Variants in DNAJC24 observed in about 807,000 individuals in gnomAD.
DNAJC24 encodes the protein DnaJ heat shock protein family (Hsp40) member C24, also known as dnaJ homolog subfamily C member 24.
In DNAJC24, 17 loss-of-function variants were observed where a neutral mutation model predicts 18.0. That is an observed-to-expected ratio of 0.94 (90% CI 0.65 to 1.42). The LOEUF (loss-of-function observed/expected upper bound fraction) is 1.42, where lower values mean the gene tolerates loss of function less well. Ranked by LOEUF, DNAJC24 falls within the 40% of genes most tolerant of loss-of-function variation. The pLI is 0.00. For synonymous variants in DNAJC24, 55 were observed against 57.7 expected (o/e 0.95, Z 0.21); for missense variants, 158 against 175.6 (o/e 0.90, Z 0.57).
chr11:31,421,541 T>G (rs1952804183), intron 3 of DNAJC24, among the ~76,000 whole-genome samples: 1 of 152,216 alleles, frequency 6.6e-6, no homozygotes, highest in Non-Finnish European at 1.5e-5. Flanking sequence ...CAGATGGGGT[T>G]GAATGAGACT....
rs2133497891 is a variant in DNAJC24 at position 31,414,880 on chromosome 11, G to A, written c.181G>A (p.Glu61Lys). ...GGAGGAATGTGTACAGAAGTTCATC[G>A]AAATTGATCAAGCATGGAAAATTCT... ...TVEECVQKFI[E>K]IDQAWKILGN... is the part of the protein sequence containing the mutation. The change falls in exon 3 of 5, where the codon GAA becomes AAA. Residue 61 changes from glutamate (E) to lysine (K), a missense_variant. By Grantham distance (56) the Glu-to-Lys change is moderately conservative. Transcript: ENST00000465995. The A allele has an allele frequency of 4.3e-6, 7 of 1,613,994 alleles. No individual in the cohort carries two copies. The highest frequency in any genetic ancestry group is 1.6e-4 in the Middle Eastern group (1 of 6,062).
intron 3 of DNAJC24, among the ~76,000 whole-genome samples, chr11:31,423,463 A>C (rs1591922433): frequency 6.6e-6 from 1 of 151,900 alleles, no homozygotes. Context: ...GTTTCACCAT[A>C]TTGGTCAGGC....
Position 31,414,863 on chromosome 11 carries a change from G to A in DNAJC24, c.164G>A (p.Cys55Tyr), listed in dbSNP as rs770022608. 5.0e-6 allele frequency: 8 copies of A among 1,613,926 alleles called. No homozygotes were observed. Among genetic ancestry groups the A allele is most frequent in the Admixed American group, 1.7e-5 (1 of 59,996 alleles). ...GTACCAGCAGGAACAGTGGAGGAAT[G>A]TGTACAGAAGTTCATCGAAATTGAT... Reference protein sequence around the residue: ...TDVPAGTVEECVQKFIEIDQA... With the variant: ...TDVPAGTVEEYVQKFIEIDQA... Residue 55 changes from cysteine to tyrosine, a missense_variant, in exon 3 of 5, where the codon TGT (cysteine) becomes TAT (tyrosine). Coordinates refer to ENST00000465995, the MANE Select transcript of DNAJC24 (RefSeq NM_181706.5).
At chr11:31,417,776 T>C (rs1336644118) in intron 3 of DNAJC24, among the ~76,000 whole-genome samples, 1 of 152,074 alleles carries the variant, frequency 6.6e-6, no homozygotes, top group African/African-American at 2.4e-5. Context: ...TCGTGTTTCA[T>C]AGCTCCATGT....
At chr11:31,399,730 C>T (rs1297814305) in intron 2 of DNAJC24, among the ~76,000 whole-genome samples, 3 of 133,766 alleles carry the variant, frequency 2.2e-5, no homozygotes, top group African/African-American at 5.5e-5. Context: ...TTTTTTTTAA[C>T]TGTTTTTTCT....
chr11:31,383,308 C>T (rs1952396472), intron 2 of DNAJC24, among the ~76,000 whole-genome samples: 1 of 151,984 alleles, frequency 6.6e-6, no homozygotes, highest in South Asian at 2.1e-4. Context: ...TTCTGGTGAC[C>T]AGCCACCATC....
chr11:31,396,958 G>T (rs1952547752), intron 2 of DNAJC24, among the ~76,000 whole-genome samples: 1 of 151,970 alleles, frequency 6.6e-6, no homozygotes, highest in African/African-American at 2.4e-5. Flanking sequence ...CCCTCTCCCT[G>T]GAATACCTTT....
intron 2 of DNAJC24, among the ~76,000 whole-genome samples, chr11:31,408,574 T>G (rs1464975783): frequency 6.6e-6 from 1 of 152,226 alleles, no homozygotes; most frequent in Non-Finnish European, 1.5e-5. Context: ...ATAACTGAAG[T>G]GTTACTTATC....
In DNAJC24 at chr11:31,418,846, T is replaced by C. The variant is rs186774139; in HGVS notation, c.250+3897T>C. On this transcript the variant is annotated intron_variant, in intron 3 of 4. Coordinates refer to ENST00000465995, the MANE Select transcript of DNAJC24 (RefSeq NM_181706.5). Reference sequence around the variant, plus strand: ...TACACAATTTGCTCCATCCCTTTATTAGGATAAATATTTGGGAAGATAAGC... The same window carrying C: ...TACACAATTTGCTCCATCCCTTTATCAGGATAAATATTTGGGAAGATAAGC... Among the ~76,000 whole-genome samples the C allele has an allele frequency of 2.6e-5, 4 of 152,142 alleles. No homozygotes were observed. In the East Asian group the frequency reaches 7.7e-4, roughly 29 times the overall value.
intron 2 of DNAJC24, among the ~76,000 whole-genome samples, chr11:31,410,452 C>T (rs967617936): frequency 4.6e-5 from 7 of 152,142 alleles, no homozygotes; most frequent in Non-Finnish European, 1.0e-4. Flanking sequence ...GAAATATATG[C>T]AGCCAGTATT....
chr11:31,381,044 T>C (rs1952372085), intron 2 of DNAJC24, among the ~76,000 whole-genome samples: 1 of 152,120 alleles, frequency 6.6e-6, no homozygotes, highest in Admixed American at 6.5e-5. Flanking sequence ...ATTAGTGCAT[T>C]TGGGTATGTT....
intron 4 of DNAJC24, among the ~76,000 whole-genome samples, chr11:31,428,298 G>A (rs939674231): frequency 2.6e-5 from 4 of 152,170 alleles, no homozygotes; most frequent in East Asian, 1.9e-4. Flanking sequence ...GCCCTTAGAC[G>A]CTTAGGTTTT....
intron 2 of DNAJC24, among the ~76,000 whole-genome samples, chr11:31,371,545 C>A (rs1350055449): frequency 2.0e-5 from 3 of 151,812 alleles, no homozygotes; most frequent in Non-Finnish European, 1.5e-5. Flanking sequence ...ATAAACTTAT[C>A]ACAGTTAAAC....
At chr11:31,407,576 T>C (rs1952667322) in intron 2 of DNAJC24, 1 of 150,746 alleles carries the variant, frequency 6.6e-6, no homozygotes, top group South Asian at 2.1e-4. Flanking sequence ...TTCCAGCTAC[T>C]TGGGAGGCTG....
intron 3 of DNAJC24, among the ~76,000 whole-genome samples, chr11:31,418,743 T>C (rs1952775800): frequency 6.6e-6 from 1 of 152,090 alleles, no homozygotes; most frequent in Non-Finnish European, 1.5e-5. Flanking sequence ...CCAGATACTG[T>C]AAAGTGAGTG....
At chr11:31,378,536 T>C (rs979365329) in intron 2 of DNAJC24, among the ~76,000 whole-genome samples, 2 of 152,180 alleles carry the variant, frequency 1.3e-5, no homozygotes, top group African/African-American at 4.8e-5. Flanking sequence ...TATAGATGGG[T>C]AAACCAAGGC....
chr11:31,382,664 A>C (rs1402509013), intron 2 of DNAJC24, among the ~76,000 whole-genome samples: 1 of 152,066 alleles, frequency 6.6e-6, no homozygotes, highest in African/African-American at 2.4e-5. Context: ...TGTTTTCCCT[A>C]CTCTCACACA....
chr11:31,376,560 AC>A (rs1952316982), intron 2 of DNAJC24, among the ~76,000 whole-genome samples: 1 of 152,052 alleles, frequency 6.6e-6, no homozygotes, highest in Non-Finnish European at 1.5e-5. Context: ...AGGCTTTGTT[AC>A]CCCTATGTTT....
chr11:31,421,162 AT>A (rs1952800205), intron 3 of DNAJC24, among the ~76,000 whole-genome samples: 1 of 152,166 alleles, frequency 6.6e-6, no homozygotes, highest in African/African-American at 2.4e-5. Context: ...AAGGTAGAGA[AT>A]TTTTCAAGAG....
Sources: allele counts gnomAD v4.1 joint callset (sites outside exome capture counted in the v4.1 genomes callset), GRCh38; gene constraint gnomAD v4.1.1; transcripts MANE v1.5; gene names NCBI Gene and HGNC (gene_info 2026-07-23, HGNC 2026-07-21).